The following CA5A variants were observed in gnomAD, a reference collection of about 807,000 sequenced individuals.
CA5A encodes the protein carbonic anhydrase 5A, mitochondrial.
A neutral mutation model predicts 37.1 loss-of-function variants in CA5A; 28 were observed. The observed-to-expected ratio is 0.75, with a 90% CI of 0.56 to 1.03. CA5A has a LOEUF of 1.03. Ranked by LOEUF, CA5A falls within the 50% of genes least tolerant of loss-of-function variation. The probability of loss-of-function intolerance (pLI) is 0.00; values close to 1 mark genes in which losing one functional copy is unlikely to be tolerated. For missense variants in CA5A, 444 were observed against 399.9 expected (o/e 1.11, Z -0.94); for synonymous variants, 171 against 158.4 (o/e 1.08, Z -0.60).
chr16:87,936,430 C>G lies in CA5A; in HGVS notation c.21G>C (p.Trp7Cys). MLGRNT[W>C]KTSAFSFLVE... is the part of the protein sequence containing the mutation. ...CCAAGAAGGAGAAAGCTGAGGTCTT[C>G]CAAGTGTTCCTCCCCAACATCTTGG... Residue 7 changes from tryptophan to cysteine, a missense_variant, in exon 1 of 7, where the codon TGG (tryptophan) becomes TGC (cysteine). By Grantham distance (215) the Trp-to-Cys change is radical (BLOSUM62 -2). Transcript: ENST00000649794. 6.2e-7 allele frequency: 1 copy of G among 1,614,026 alleles called. No homozygotes were observed. The highest frequency in any genetic ancestry group is 8.5e-7 in the Non-Finnish European group (1 of 1,179,974).
At position 87,902,457 on chromosome 16, in the gene CA5A, T is replaced by C. The variant is rs371017385; in HGVS notation, c.523A>G (p.Asn175Asp). The change falls in exon 4 of 7, where the codon AAT (asparagine) becomes GAT (aspartate). Residue 175 changes from asparagine to aspartate, a missense_variant. By Grantham distance (23) the Asn-to-Asp change is conservative. Transcript: ENST00000649794. ...AACACGCCTATCACAGCCAAACCAT[T>C]CTCTCCCACGACAGCTTCCTTGTAA... The part of the protein sequence containing the change: ...QNYKEAVVGE[N>D]GLAVIGVFLK... 44 of 1,612,476 alleles carry C rather than the reference T, an allele frequency of 2.7e-5. No individual in the cohort carries two copies. The highest frequency in any genetic ancestry group is 3.6e-5 in the Non-Finnish European group (42 of 1,178,664).
chr16:87,921,990 C>T (rs1426134588), intron 2 of CA5A, among the ~76,000 whole-genome samples: 3 of 152,142 alleles, frequency 2.0e-5, no homozygotes, highest in African/African-American at 7.2e-5. Flanking sequence ...GCCTCAGCCT[C>T]CCGAGTAGCT....
rs1223985723 is a variant in CA5A, at chr16:87,921,872, A to T, written c.340+4876T>A. ...TTTGTGTGTTATTGTTATTATTATT[A>T]TTATTATTTTTGAGAGACAGGATCT... On this transcript the variant is annotated intron_variant, in intron 2 of 6. Coordinates refer to ENST00000649794, the MANE Select transcript of CA5A (RefSeq NM_001739.2). Among the ~76,000 whole-genome samples, 1,168 of 121,288 alleles carry T rather than the reference A, an allele frequency of 9.6e-3. 17 individuals are homozygous for T. The highest frequency in any genetic ancestry group is 0.034 in the African/African-American group (1,076 of 31,658). The allele number at this position is 121,288 out of a possible 152,430, so 79.6% of individuals were successfully genotyped here. A position where few individuals can be genotyped will look rare whatever the true frequency, so the allele number is the denominator to read the frequency against.
chr16:87,890,417 C>A (rs1034730829), intron 6 of CA5A, among the ~76,000 whole-genome samples: 1 of 152,116 alleles, frequency 6.6e-6, no homozygotes, highest in Admixed American at 6.6e-5. Flanking sequence ...GACTGAAAGA[C>A]CCTCTAAGAG....
chr16:87,891,535 C>T (rs946953033), intron 6 of CA5A, among the ~76,000 whole-genome samples: 1 of 151,938 alleles, frequency 6.6e-6, no homozygotes, highest in Non-Finnish European at 1.5e-5. Flanking sequence ...GACCCTGGGA[C>T]AACTCCCATG....
intron 2 of CA5A, among the ~76,000 whole-genome samples, chr16:87,916,542 C>A (rs1359719935): frequency 6.6e-6 from 1 of 152,202 alleles, no homozygotes; most frequent in Non-Finnish European, 1.5e-5. Flanking sequence ...TGGCCTATCA[C>A]CTGCTTTCAT....
At chr16:87,930,887 T>C (rs1048023479) in intron 1 of CA5A, among the ~76,000 whole-genome samples, 2 of 151,396 alleles carry the variant, frequency 1.3e-5, no homozygotes, top group African/African-American at 4.9e-5. Context: ...GTTACAGGCA[T>C]GTGCCACCAC....
intron 5 of CA5A, among the ~76,000 whole-genome samples, chr16:87,899,459 C>T (rs2055846646): frequency 1.3e-5 from 2 of 150,892 alleles, no homozygotes; most frequent in South Asian, 2.1e-4. Flanking sequence ...CCCGCCACCA[C>T]GCCTGGCTAA....
intron 2 of CA5A, among the ~76,000 whole-genome samples, chr16:87,913,607 ATC>A (rs2056084164): frequency 6.6e-6 from 1 of 151,440 alleles, no homozygotes; most frequent in Non-Finnish European, 1.5e-5. Context: ...CTCCTTTGAA[ATC>A]TCTGCTCTTT....
At chr16:87,909,388 G>T (rs1339527953) in intron 2 of CA5A, among the ~76,000 whole-genome samples, 1 of 152,192 alleles carries the variant, frequency 6.6e-6, no homozygotes, top group Non-Finnish European at 1.5e-5. Context: ...AAGGCTACTG[G>T]GTCTCTCTGG....
chr16:87,900,964 G>A (rs1439125558), intron 5 of CA5A, among the ~76,000 whole-genome samples: 3 of 152,224 alleles, frequency 2.0e-5, no homozygotes, highest in African/African-American at 2.4e-5. Context: ...GGTGATTCAC[G>A]CCTGTAATCC....
intron 2 of CA5A, among the ~76,000 whole-genome samples, chr16:87,926,325 C>G (rs1049826632): frequency 8.5e-5 from 13 of 152,222 alleles, no homozygotes; most frequent in African/African-American, 2.7e-4. Flanking sequence ...CTGCTGTGGA[C>G]CCAACTTCCT....
chr16:87,920,230 A>G (rs974942959), intron 2 of CA5A, among the ~76,000 whole-genome samples: 11 of 152,212 alleles, frequency 7.2e-5, no homozygotes, highest in Non-Finnish European at 1.3e-4. Flanking sequence ...ACGCAGTAAA[A>G]GGATGGAAAC....
downstream of CA5A, chr16:87,884,082 T>A (rs2055629586): frequency 1.3e-5 from 2 of 151,850 alleles, no homozygotes; most frequent in Admixed American, 6.6e-5. Flanking sequence ...ATTGTAAAAC[T>A]TTCTCTCTTC....
intron 5 of CA5A, chr16:87,893,647 CCGA>C: frequency 1.6e-6 from 1 of 625,188 alleles, no homozygotes; most frequent in South Asian, 1.4e-5. Flanking sequence ...GCCCCTGGTG[CCGA>C]CAAGATAGCC....
At chr16:87,933,240 G>T (rs2056431537) in intron 1 of CA5A, among the ~76,000 whole-genome samples, 1 of 152,256 alleles carries the variant, frequency 6.6e-6, no homozygotes, top group Non-Finnish European at 1.5e-5. Flanking sequence ...TCTAGGGTTT[G>T]CCAATGACTG....
At chr16:87,895,353 C>G (rs2055786422) in intron 5 of CA5A, among the ~76,000 whole-genome samples, 1 of 152,172 alleles carries the variant, frequency 6.6e-6, no homozygotes. Context: ...CGAGACCAGC[C>G]TGACCAACAT....
At chr16:87,892,305 T>C (rs1354246040) in intron 5 of CA5A, 1 of 165,018 alleles carries the variant, frequency 6.1e-6, no homozygotes, top group East Asian at 1.7e-4. Context: ...AGGTCAGGAG[T>C]TCGAGACCAG....
rs540285214 is a variant in CA5A, at chr16:87,903,694, G to A, written c.459+1092C>T. On this transcript the variant is annotated intron_variant, in intron 3 of 6. Transcript: ENST00000649794. ...CATTTTTTGGTTTGGGTGGACTCTA[G>A]TTCCACATTAACTGCAGCATTACTT... Among the ~76,000 whole-genome samples, 3 of 152,252 alleles carry A rather than the reference G, an allele frequency of 2.0e-5. No homozygotes were observed. In the East Asian group the frequency reaches 5.8e-4, roughly 29 times the overall value.
Sources: gnomAD v4.1 joint callset for allele counts (sites outside exome capture counted in the v4.1 genomes callset) on GRCh38, gnomAD v4.1.1 for gene constraint, MANE v1.5 for transcripts, NCBI Gene and HGNC (gene_info 2026-07-23, HGNC 2026-07-21) for gene names.